SMAD3: variants seen among roughly 807,000 people sequenced by gnomAD.
SMAD3 encodes the protein SMAD family member 3.
Under a neutral mutation model 51.8 loss-of-function variants are expected in SMAD3, and 12 were observed. The observed-to-expected ratio is 0.23, with a 90% CI of 0.15 to 0.38. SMAD3 has a LOEUF of 0.38. Among genes scored for constraint, SMAD3 ranks in the 10% least tolerant of loss-of-function variants. The pLI, the probability that SMAD3 is intolerant of heterozygous loss-of-function variation, is 1.00. For synonymous variants in SMAD3, 238 were observed against 227.7 expected (o/e 1.05, Z -0.41); for missense variants, 294 against 565.6 (o/e 0.52, Z 4.87).
At chr15:67,111,477 A>T (rs541922653) in intron 1 of SMAD3, among the ~76,000 whole-genome samples, 6 of 152,110 alleles carry the variant, frequency 3.9e-5, no homozygotes, top group Non-Finnish European at 8.8e-5. Context: ...TTTTTGTGGA[A>T]ATGTGTTTTC....
At chr15:67,103,670 G>A (rs1399330550) in intron 1 of SMAD3, among the ~76,000 whole-genome samples, 3 of 152,006 alleles carry the variant, frequency 2.0e-5, no homozygotes, top group Non-Finnish European at 4.4e-5. Context: ...GTGGGGTGTG[G>A]GCCTGTGTGT....
intron 1 of SMAD3, among the ~76,000 whole-genome samples, chr15:67,091,480 A>G (rs1171633819): frequency 6.6e-6 from 1 of 152,194 alleles, no homozygotes; most frequent in Non-Finnish European, 1.5e-5. Context: ...TTTCAGGGGA[A>G]ACCGTTGTAT....
chr15:67,148,404 T>TA (rs1962036136), intron 1 of SMAD3, among the ~76,000 whole-genome samples: 1 of 152,226 alleles, frequency 6.6e-6, no homozygotes, highest in Non-Finnish European at 1.5e-5. Context: ...CAACACTTGA[T>TA]AAAAATCTCC....
At chr15:67,098,691 G>A (rs576351826) in intron 1 of SMAD3, 19 of 568,860 alleles carry the variant, frequency 3.3e-5, no homozygotes, top group East Asian at 1.1e-4. Context: ...AACAAGCTTC[G>A]GGAGTTGGGA....
At chr15:67,101,556 A>G (rs1960758221) in intron 1 of SMAD3, among the ~76,000 whole-genome samples, 1 of 152,332 alleles carries the variant, frequency 6.6e-6, no homozygotes, top group Admixed American at 6.5e-5. Context: ...GACAGTGATG[A>G]TGATGCCACT....
rs73481497 is a variant in SMAD3, at chr15:67,110,229, C to T, written c.206+43869C>T. On this transcript the variant is annotated intron_variant, in intron 1 of 8. Transcript: ENST00000327367. The stretch of plus-strand genomic sequence containing the variant: ...GGAGTTCTGTGCTGCTTGGGGGATA[C>T]GACTCAAACTCACAGACATCTGTGG... Among the ~76,000 whole-genome samples the T allele has an allele frequency of 6.5e-3, 985 of 152,122 alleles. 12 individuals carry two copies. The highest frequency in any genetic ancestry group is 0.022 in the African/African-American group (932 of 41,458).
intron 1 of SMAD3, among the ~76,000 whole-genome samples, chr15:67,105,302 G>T (rs1232615496): frequency 6.6e-6 from 1 of 152,152 alleles, no homozygotes; most frequent in Non-Finnish European, 1.5e-5. Context: ...CCTCTGTTTG[G>T]TGGTGGGGAC....
chr15:67,173,210 G>A (rs1418145945), intron 5 of SMAD3, among the ~76,000 whole-genome samples: 4 of 152,080 alleles, frequency 2.6e-5, no homozygotes, highest in Non-Finnish European at 5.9e-5. Flanking sequence ...ATGTACTGAT[G>A]CTGGGGGCCA....
intron 1 of SMAD3, among the ~76,000 whole-genome samples, chr15:67,088,604 G>C (rs1265567287): frequency 6.6e-6 from 1 of 152,158 alleles, no homozygotes; most frequent in South Asian, 2.1e-4. Context: ...GAATGCTCCC[G>C]AGTGGGAGGG....
intron 1 of SMAD3, among the ~76,000 whole-genome samples, chr15:67,133,790 C>A (rs1034984288): frequency 3.9e-5 from 6 of 152,042 alleles, no homozygotes; most frequent in South Asian, 2.1e-4. Context: ...GTGGCAGGGA[C>A]CTTTGGAATG....
intron 1 of SMAD3, among the ~76,000 whole-genome samples, chr15:67,158,178 T>G (rs1962334833): frequency 6.6e-6 from 1 of 152,358 alleles, no homozygotes; most frequent in East Asian, 1.9e-4. Context: ...ACTTATTTAT[T>G]GGATTTACTT....
Position 67,186,343 on chromosome 15 carries a change from C to T in SMAD3, c.1010-1022C>T, listed in dbSNP as rs534786999. 3.3e-5 allele frequency among the ~76,000 whole-genome samples: 5 copies of T among 152,314 alleles called. No individual in the cohort carries two copies. The South Asian group carries it at 1.0e-3, about 32-fold the overall frequency. On this transcript the variant is annotated intron_variant, in intron 7 of 8. Transcript: ENST00000327367. ...TTGGCCTTCTGCCTCTTCCATTCCC[C>T]GGCCCCACCCCCATCTTTTGGGTGA...
intron 1 of SMAD3, among the ~76,000 whole-genome samples, chr15:67,157,829 C>T (rs915379706): frequency 5.3e-5 from 8 of 152,298 alleles, no homozygotes; most frequent in Non-Finnish European, 8.8e-5. Flanking sequence ...TTACGGGTCC[C>T]GCTTGAAGCC....
At chr15:67,159,502 A>G (rs1291456961) in intron 1 of SMAD3, among the ~76,000 whole-genome samples, 2 of 152,238 alleles carry the variant, frequency 1.3e-5, no homozygotes, top group East Asian at 1.9e-4. Flanking sequence ...GAATGGTGGT[A>G]TAATTTATAA....
chr15:67,183,031 A>ATTTTT (rs57749736), intron 6 of SMAD3, among the ~76,000 whole-genome samples: 2 of 29,698 alleles, frequency 6.7e-5, no homozygotes, highest in African/African-American at 1.7e-4. Flanking sequence ...ATATATATAT[A>ATTTTT]TTTTTTTTTT....
At chr15:67,106,291 A>T (rs184964646) in intron 1 of SMAD3, among the ~76,000 whole-genome samples, 8 of 152,248 alleles carry the variant, frequency 5.3e-5, no homozygotes, top group Non-Finnish European at 1.2e-4. Context: ...TGAATCCCAA[A>T]CAAGGGTTCA....
chr15:67,074,870 A>C (rs1336157256), intron 1 of SMAD3, among the ~76,000 whole-genome samples: 1 of 152,086 alleles, frequency 6.6e-6, no homozygotes, highest in Non-Finnish European at 1.5e-5. Flanking sequence ...TTGTATTTTT[A>C]GTAGAGATGG....
chr15:67,065,978 C>T lies in SMAD3; in HGVS notation c.-177C>T, dbSNP rs1229197894. The T allele has an allele frequency of 8.9e-6, 2 of 224,080 alleles. No homozygotes were observed. Among genetic ancestry groups the T allele is most frequent in the Non-Finnish European group, 1.7e-5 (2 of 116,208 alleles). The allele number at this position is 224,080 out of a possible 1,614,324, so 13.9% of individuals were successfully genotyped here. A position where few individuals can be genotyped will look rare whatever the true frequency, so the allele number is the denominator to read the frequency against. The stretch of plus-strand genomic sequence containing the variant: ...TCCGGGCGCAGGGCCGCGCGCCGAG[C>T]CCCGCAGGCTGCAGCGCCGCGGCCC... On this transcript the variant is annotated 5_prime_UTR_variant, in exon 1 of 9. Coordinates refer to ENST00000327367, the MANE Select transcript of SMAD3 (RefSeq NM_005902.4).
chr15:67,187,052 T>G, intron 7 of SMAD3: 1 of 531,812 alleles, frequency 1.9e-6, no homozygotes. Context: ...ATCTCCCTAT[T>G]TTTGGAAGCC....
Sources: gnomAD v4.1 joint callset for allele counts (sites outside exome capture counted in the v4.1 genomes callset) on GRCh38, gnomAD v4.1.1 for gene constraint, MANE v1.5 for transcripts, NCBI Gene and HGNC (gene_info 2026-07-23, HGNC 2026-07-21) for gene names.